VAV3: variants seen among roughly 807,000 people sequenced by gnomAD.
The protein encoded by VAV3 is guanine nucleotide exchange factor VAV3.
In VAV3, 94 loss-of-function variants were observed where a neutral mutation model predicts 131.2. That is an observed-to-expected ratio of 0.72 (90% CI 0.61 to 0.85). The LOEUF is 0.85. Among genes scored for constraint, VAV3 ranks in the 40% least tolerant of loss-of-function variants. The probability of loss-of-function intolerance (pLI) is 0.00; values close to 1 mark genes in which losing one functional copy is unlikely to be tolerated. For synonymous variants in VAV3, 349 were observed against 342.0 expected, an observed-to-expected ratio of 1.02 and a Z score of -0.22; for missense variants, 939 against 1,002.7, an observed-to-expected ratio of 0.94 and a Z score of 0.86.
At chr1:107,828,512 T>G (rs950783456) in intron 2 of VAV3, among the ~76,000 whole-genome samples, 3 of 152,144 alleles carry the variant, frequency 2.0e-5, no homozygotes, top group Non-Finnish European at 4.4e-5. Flanking sequence ...ATTTTTGACT[T>G]ACAAAAATCA....
intron 18 of VAV3, chr1:107,685,687 GC>G (rs1442667253): frequency 6.6e-6 from 1 of 152,042 alleles, no homozygotes; most frequent in Non-Finnish European, 1.5e-5. Context: ...ATTTGGAGAG[GC>G]TAAGATTTTT....
intron 19 of VAV3, among the ~76,000 whole-genome samples, chr1:107,647,178 C>G (rs1374779943): frequency 6.7e-6 from 1 of 150,204 alleles, no homozygotes; most frequent in Non-Finnish European, 1.5e-5. Context: ...TATCACTGCC[C>G]TAATGCAATG....
intron 4 of VAV3, among the ~76,000 whole-genome samples, chr1:107,773,772 G>A (rs17483925): frequency 0.12 from 17,886 of 152,126 alleles, 1,189 homozygotes; most frequent in Non-Finnish European, 0.14. Context: ...CAGGTAAATC[G>A]GTTTGCACAT....
At chr1:107,573,470 T>C in intron 26 of VAV3, 98 bp from the exon 27 acceptor site, 1 of 1,432,472 alleles carries the variant, frequency 7.0e-7, no homozygotes, top group Non-Finnish European at 9.6e-7. Context: ...ACACCCCAAT[T>C]AAACTGGGGT....
chr1:107,812,713 C>A (rs1329383357), intron 2 of VAV3, among the ~76,000 whole-genome samples: 1 of 152,106 alleles, frequency 6.6e-6, no homozygotes, highest in African/African-American at 2.4e-5. Flanking sequence ...AACCAAGAAC[C>A]TATTAGGGGT....
intron 11 of VAV3, among the ~76,000 whole-genome samples, chr1:107,756,629 T>C (rs750135779): frequency 3.1e-4 from 47 of 151,884 alleles, no homozygotes; most frequent in Non-Finnish European, 6.0e-4. Context: ...TATTATTTCG[T>C]TTCAAAGTCA....
At chr1:107,864,637 T>C (rs1669897798) in intron 2 of VAV3, among the ~76,000 whole-genome samples, 1 of 151,880 alleles carries the variant, frequency 6.6e-6, no homozygotes, top group Non-Finnish European at 1.5e-5. Context: ...AAATAATAAA[T>C]AAATAAGTAA....
chr1:107,938,457 C>T (rs1255082043), intron 1 of VAV3, among the ~76,000 whole-genome samples: 1 of 152,182 alleles, frequency 6.6e-6, no homozygotes, highest in East Asian at 1.9e-4. Flanking sequence ...TTCCCAAAGA[C>T]TGAAATATCT....
rs543476829 is a variant in VAV3, at chr1:107,910,870, C to T, written c.205-35853G>A. Among the ~76,000 whole-genome samples the T allele has an allele frequency of 6.6e-5, 10 of 152,206 alleles. No homozygotes were observed. The South Asian group carries it at 2.1e-3, about 32-fold the overall frequency. On this transcript the variant is annotated intron_variant, in intron 1 of 26. Coordinates refer to ENST00000370056, the MANE Select transcript of VAV3 (RefSeq NM_006113.5). ...TGGCACATGCCTGCAATCCCAGCTACTCAGGAGGCTGAGATGGGAGAACCG... is the reference window on the plus strand; with the variant it reads ...TGGCACATGCCTGCAATCCCAGCTATTCAGGAGGCTGAGATGGGAGAACCG...
chr1:107,610,120 G>C (rs2101150215), intron 21 of VAV3, among the ~76,000 whole-genome samples, 155 bp from the exon 22 acceptor site: 1 of 152,282 alleles, frequency 6.6e-6, no homozygotes, highest in Middle Eastern at 3.4e-3. Context: ...GTGAATCATA[G>C]TATCTGTCAG....
chr1:107,720,584 A>G (rs1661436534), intron 15 of VAV3, among the ~76,000 whole-genome samples: 1 of 152,040 alleles, frequency 6.6e-6, no homozygotes, highest in Admixed American at 6.6e-5. Context: ...AGGCTGAGGT[A>G]GGAAAATCAC....
intron 20 of VAV3, among the ~76,000 whole-genome samples, chr1:107,641,860 C>A (rs1194656486): frequency 6.6e-6 from 1 of 152,088 alleles, no homozygotes; most frequent in African/African-American, 2.4e-5. Flanking sequence ...ATAATTATGA[C>A]CCCACAGCAC....
intron 2 of VAV3, among the ~76,000 whole-genome samples, chr1:107,865,803 A>G (rs754109405): frequency 2.0e-5 from 3 of 152,204 alleles, no homozygotes; most frequent in Non-Finnish European, 4.4e-5. Flanking sequence ...TCTAAAAGTG[A>G]TAACTTGGCA....
chr1:107,707,633 G>T (rs1175942685), intron 15 of VAV3, among the ~76,000 whole-genome samples: 3 of 152,188 alleles, frequency 2.0e-5, no homozygotes, highest in Non-Finnish European at 4.4e-5. Flanking sequence ...CGACTTATAT[G>T]CTCAGTGTCC....
At chr1:107,899,306 C>A (rs1352847444) in intron 1 of VAV3, among the ~76,000 whole-genome samples, 1 of 152,130 alleles carries the variant, frequency 6.6e-6, no homozygotes, top group Non-Finnish European at 1.5e-5. Flanking sequence ...TGGGCTGAGC[C>A]AACAGCGGTA....
At chr1:107,693,142 T>A (rs1274721532) in intron 17 of VAV3, among the ~76,000 whole-genome samples, 1 of 150,806 alleles carries the variant, frequency 6.6e-6, no homozygotes, top group African/African-American at 2.4e-5. Context: ...ACCTATTCAT[T>A]ATTAACGTTG....
intron 25 of VAV3, among the ~76,000 whole-genome samples, chr1:107,587,737 C>T (rs182927168): frequency 1.3e-5 from 2 of 152,160 alleles, no homozygotes; most frequent in East Asian, 1.9e-4. Context: ...ATTACAGATG[C>T]GTGCCACCAC....
intron 15 of VAV3, among the ~76,000 whole-genome samples, chr1:107,730,969 C>T (rs993056913): frequency 2.6e-5 from 4 of 152,146 alleles, no homozygotes; most frequent in African/African-American, 9.7e-5. Flanking sequence ...ACTATTTTCT[C>T]ATTTTTTAAA....
At chr1:107,911,976 A>G in intron 1 of VAV3, among the ~76,000 whole-genome samples, 1 of 152,226 alleles carries the variant, frequency 6.6e-6, no homozygotes, top group Non-Finnish European at 1.5e-5. Context: ...ATGATGTAGT[A>G]ATGACACAGA....
Sources: allele counts gnomAD v4.1 joint callset (sites outside exome capture counted in the v4.1 genomes callset), GRCh38; gene constraint gnomAD v4.1.1; transcripts MANE v1.5; gene names NCBI Gene and HGNC (gene_info 2026-07-23, HGNC 2026-07-21).